The following STIM1 variants were observed in gnomAD, a reference collection of about 807,000 sequenced individuals.
STIM1 encodes stromal interaction molecule 1.
A neutral mutation model predicts 74.7 loss-of-function variants in STIM1; 25 were observed. That is an observed-to-expected ratio of 0.33 (90% CI 0.24 to 0.47). STIM1 has a LOEUF of 0.47. STIM1 is among the 20% of genes least tolerant of loss of function. STIM1 has a pLI of 1.00. For missense variants in STIM1, 728 were observed against 920.8 expected, an observed-to-expected ratio of 0.79 and a Z score of 2.71; for synonymous variants, 328 against 348.8, an observed-to-expected ratio of 0.94 and a Z score of 0.66.
intron 6 of STIM1, among the ~76,000 whole-genome samples, chr11:4,070,407 G>C (rs2094396316): frequency 6.6e-6 from 1 of 152,196 alleles, no homozygotes; most frequent in Non-Finnish European, 1.5e-5. Context: ...GGAGAAACTT[G>C]TTTCTATCTT....
At chr11:3,992,914 T>TG (rs1263371895) in intron 2 of STIM1, among the ~76,000 whole-genome samples, 1 of 152,248 alleles carries the variant, frequency 6.6e-6, no homozygotes. Context: ...TCCACATCTA[T>TG]TGGTAAATCC....
At chr11:4,059,439 C>A in intron 5 of STIM1, 43 bp downstream of exon 5, 2 of 1,569,652 alleles carry the variant, frequency 1.3e-6, no homozygotes, top group Admixed American at 1.7e-5. Flanking sequence ...GCCATGGAAA[C>A]CAAAGCTGTT....
chr11:3,870,280 C>G (rs564722888), intron 1 of STIM1, among the ~76,000 whole-genome samples: 27 of 152,134 alleles, frequency 1.8e-4, no homozygotes, highest in Non-Finnish European at 3.4e-4. Context: ...AAAGCTGAGC[C>G]TTGACTCTAG....
At chr11:4,088,509 C>A in intron 12 of STIM1, 5 of 561,546 alleles carry the variant, frequency 8.9e-6, no homozygotes, top group South Asian at 1.9e-5. Flanking sequence ...TCATTTTCAT[C>A]CAAAAGCCTA....
intron 1 of STIM1, among the ~76,000 whole-genome samples, chr11:3,878,049 G>C (rs772449433): frequency 6.6e-6 from 1 of 152,214 alleles, no homozygotes; most frequent in Non-Finnish European, 1.5e-5. Flanking sequence ...GTGGTCAAGC[G>C]TTGGTAAGTT....
chr11:3,856,062 A>C lies in STIM1; in HGVS notation c.-209A>C, dbSNP rs202069485. The stretch of plus-strand genomic sequence containing the variant: ...GCAGCCCCGGCGGACCCACTGTTGG[A>C]CCTGAGGAGCCAGCCCTCCTCCCGC... On this transcript the variant is annotated 5_prime_UTR_variant, in exon 1 of 13. Transcript: ENST00000526596. The C allele has an allele frequency of 2.1e-5, 13 of 611,538 alleles. No individual in the cohort carries two copies. Among genetic ancestry groups the C allele is most frequent in the Admixed American group, 5.3e-5 (2 of 37,748 alleles). 37.9% of individuals were successfully genotyped at this position (611,538 alleles called of 1,614,324 possible).
chr11:4,063,839 C>T (rs1451281091), intron 5 of STIM1, among the ~76,000 whole-genome samples: 1 of 152,174 alleles, frequency 6.6e-6, no homozygotes, highest in Non-Finnish European at 1.5e-5. Flanking sequence ...CAGGAGATTC[C>T]TCCCTACAGT....
intron 2 of STIM1, among the ~76,000 whole-genome samples, chr11:3,993,911 A>T (rs2093637874): frequency 1.3e-5 from 2 of 152,138 alleles, no homozygotes; most frequent in South Asian, 4.1e-4. Context: ...TTCATAAGGG[A>T]AAGGGATCTG....
chr11:4,022,164 T>G (rs2093960775), intron 2 of STIM1, among the ~76,000 whole-genome samples: 1 of 151,878 alleles, frequency 6.6e-6, no homozygotes, highest in East Asian at 1.9e-4. Context: ...AAATCCCGTC[T>G]CTACCAAAAA....
intron 1 of STIM1, among the ~76,000 whole-genome samples, chr11:3,944,145 T>C (rs1300017287): frequency 6.6e-6 from 1 of 152,224 alleles, no homozygotes; most frequent in Non-Finnish European, 1.5e-5. Context: ...AACTGAGTTG[T>C]TTAGAGGAAG....
upstream of STIM1, chr11:3,855,168 G>T (rs2090314443): frequency 1.3e-5 from 2 of 152,376 alleles, no homozygotes; most frequent in South Asian, 4.1e-4. Flanking sequence ...CCGGGAGTTG[G>T]GGGCTGGGAG....
intron 2 of STIM1, among the ~76,000 whole-genome samples, chr11:3,976,298 A>G (rs983698166): frequency 9.2e-5 from 14 of 152,224 alleles, no homozygotes; most frequent in African/African-American, 3.4e-4. Context: ...ATTACATACT[A>G]TGTGATTCTA....
At chr11:3,872,552 C>T (rs1254532608) in intron 1 of STIM1, among the ~76,000 whole-genome samples, 3 of 138,140 alleles carry the variant, frequency 2.2e-5, no homozygotes, top group Non-Finnish European at 3.1e-5. Flanking sequence ...GATGGAGTCT[C>T]ACTCTGTTGC....
intron 3 of STIM1, among the ~76,000 whole-genome samples, chr11:4,043,400 T>A (rs2094163578): frequency 6.6e-6 from 1 of 152,196 alleles, no homozygotes; most frequent in African/African-American, 2.4e-5. Flanking sequence ...TAGTACTTTT[T>A]AATTTTTTTA....
intron 9 of STIM1, 48 bp downstream of exon 9, chr11:4,083,030 G>C: frequency 6.5e-7 from 1 of 1,532,866 alleles, no homozygotes; most frequent in South Asian, 1.1e-5. Context: ...ATCATCCTCA[G>C]AATTTGAGGG....
intron 1 of STIM1, among the ~76,000 whole-genome samples, chr11:3,895,679 C>CTTTCT (rs1290884976): frequency 6.3e-5 from 3 of 47,346 alleles, no homozygotes; most frequent in African/African-American, 3.9e-4. Flanking sequence ...TCTTTCCTTC[C>CTTTCT]TTCCTTCTTT....
At chr11:3,990,526 A>G (rs1272608810) in intron 2 of STIM1, among the ~76,000 whole-genome samples, 1 of 152,238 alleles carries the variant, frequency 6.6e-6, no homozygotes, top group Non-Finnish European at 1.5e-5. Context: ...TTTCCATATA[A>G]AAATGGTTCA....
chr11:3,964,961 A>C (rs529050444), intron 1 of STIM1, among the ~76,000 whole-genome samples: 26 of 152,282 alleles, frequency 1.7e-4, no homozygotes, highest in African/African-American at 6.3e-4. Context: ...CTGGGGCTCA[A>C]GGGAACTCCC....
chr11:4,070,250 G>T (rs1590688856), intron 6 of STIM1, 47 bp downstream of exon 6: 1 of 1,610,088 alleles, frequency 6.2e-7, no homozygotes. Context: ...CAGTTCTTGG[G>T]AACCTCCTAT....
Sources: gnomAD v4.1 joint callset for allele counts (sites outside exome capture counted in the v4.1 genomes callset) on GRCh38, gnomAD v4.1.1 for gene constraint, MANE v1.5 for transcripts, NCBI Gene and HGNC (gene_info 2026-07-23, HGNC 2026-07-21) for gene names.